GLRB: variants seen among roughly 807,000 people sequenced by gnomAD.
The protein encoded by GLRB is glycine receptor subunit beta.
Under a neutral mutation model 54.2 loss-of-function variants are expected in GLRB, and 33 were observed. That is an observed-to-expected ratio of 0.61 (90% CI 0.46 to 0.81). The LOEUF is 0.81. Among genes scored for constraint, GLRB ranks in the 40% least tolerant of loss-of-function variants. The probability of loss-of-function intolerance (pLI) is 0.00; values close to 1 mark genes in which losing one functional copy is unlikely to be tolerated. For missense variants in GLRB, 572 were observed against 584.6 expected, an observed-to-expected ratio of 0.98 and a Z score of 0.22; for synonymous variants, 209 against 208.2, an observed-to-expected ratio of 1.00 and a Z score of -0.03.
intron 2 of GLRB, among the ~76,000 whole-genome samples, chr4:157,103,157 C>CAAAAA (rs1436563927): frequency 9.6e-6 from 1 of 104,590 alleles, no homozygotes. Context: ...CTCAAAAAAA[C>CAAAAA]AAAAAAAAAA....
chr4:157,143,747 G>A, intron 7 of GLRB, 60 bp from the exon 8 acceptor site: 1 of 1,518,156 alleles, frequency 6.6e-7, no homozygotes, highest in East Asian at 2.3e-5. Context: ...GTCTGTCATT[G>A]ATGTTTGCCA....
chr4:157,120,304 A>G (rs1735762649), intron 2 of GLRB, among the ~76,000 whole-genome samples: 1 of 151,246 alleles, frequency 6.6e-6, no homozygotes, highest in Non-Finnish European at 1.5e-5. Flanking sequence ...TAATGGGTGC[A>G]GCACACCAGC....
chr4:157,124,470 C>G (rs11930442), intron 4 of GLRB, among the ~76,000 whole-genome samples: 2 of 151,570 alleles, frequency 1.3e-5, no homozygotes, highest in Admixed American at 1.3e-4. Flanking sequence ...ATTCTACTTA[C>G]TCATTTTTCC....
chr4:157,088,395 A>C (rs1028554439), intron 2 of GLRB, among the ~76,000 whole-genome samples: 2 of 152,146 alleles, frequency 1.3e-5, no homozygotes, highest in African/African-American at 4.8e-5. Context: ...TTAATGGTAC[A>C]AATGTAGATG....
intron 8 of GLRB, among the ~76,000 whole-genome samples, chr4:157,148,956 T>C (rs1268108551): frequency 6.6e-6 from 1 of 152,074 alleles, no homozygotes; most frequent in Non-Finnish European, 1.5e-5. Flanking sequence ...CTGCAGGTAT[T>C]TGGAAGGTCT....
intron 2 of GLRB, among the ~76,000 whole-genome samples, chr4:157,095,321 A>G: frequency 6.6e-6 from 1 of 151,330 alleles, no homozygotes; most frequent in Admixed American, 6.6e-5. Flanking sequence ...AAAAAAAAAA[A>G]GGTTTTTATT....
intron 9 of GLRB, among the ~76,000 whole-genome samples, chr4:157,164,555 C>T (rs914137759): frequency 2.6e-5 from 4 of 152,058 alleles, no homozygotes; most frequent in African/African-American, 9.7e-5. Flanking sequence ...ACGATCAGCT[C>T]CATTGGCTGG....
chr4:157,111,511 G>A (rs1326436663), intron 2 of GLRB, among the ~76,000 whole-genome samples: 1 of 151,938 alleles, frequency 6.6e-6, no homozygotes, highest in Non-Finnish European at 1.5e-5. Context: ...ATGCTGTGCT[G>A]GGGTTTTAGG....
At chr4:157,156,553 C>G (rs1310690745) in intron 9 of GLRB, among the ~76,000 whole-genome samples, 2 of 152,112 alleles carry the variant, frequency 1.3e-5, no homozygotes, top group East Asian at 1.9e-4. Flanking sequence ...CCTGGTTGCC[C>G]TGGCTGGGAC....
intron 2 of GLRB, among the ~76,000 whole-genome samples, chr4:157,095,374 A>G (rs1734771262): frequency 6.6e-6 from 1 of 152,064 alleles, no homozygotes; most frequent in Non-Finnish European, 1.5e-5. Context: ...GTAGATAGGA[A>G]ATGAGGGGAA....
chr4:157,158,315 T>A (rs1312693599), intron 9 of GLRB, among the ~76,000 whole-genome samples: 1 of 152,218 alleles, frequency 6.6e-6, no homozygotes, highest in Non-Finnish European at 1.5e-5. Context: ...TCTTTTGCTG[T>A]GCAGAAGCTC....
rs1560983286 is a variant in GLRB, at chr4:157,171,578, G to A, written c.*850G>A. 1 of 152,194 alleles carries A rather than the reference G, an allele frequency of 6.6e-6. No homozygotes were observed. The highest frequency in any genetic ancestry group is 1.5e-5 in the Non-Finnish European group (1 of 67,764). 9.4% of individuals were successfully genotyped at this position (152,194 alleles called of 1,614,324 possible). On this transcript the variant is annotated 3_prime_UTR_variant, in exon 10 of 10. Coordinates refer to ENST00000264428, the MANE Select transcript of GLRB (RefSeq NM_000824.5). ...AATTGGAATGCAGTAATAGATATGTGATTTTACATCATTTTTAAGAAACCA... is the reference window on the plus strand; with the variant it reads ...AATTGGAATGCAGTAATAGATATGTAATTTTACATCATTTTTAAGAAACCA...
In GLRB at chr4:157,153,017, A is replaced by T. The variant is rs746015857; in HGVS notation, c.1197+7A>T. On this transcript the variant is annotated splice_region_variant and intron_variant, in intron 9 of 9. Coordinates refer to ENST00000264428, the MANE Select transcript of GLRB (RefSeq NM_000824.5). Reference sequence around the variant, plus strand: ...TCATATTAGCACTTTGCAGGTAAGGATAAAATTATGCCATGAAATCATTTC... The same window carrying T: ...TCATATTAGCACTTTGCAGGTAAGGTTAAAATTATGCCATGAAATCATTTC... The T allele has an allele frequency of 6.2e-7, 1 of 1,608,484 alleles. No homozygotes were observed. Among genetic ancestry groups the T allele is most frequent in the Non-Finnish European group, 8.5e-7 (1 of 1,174,958 alleles).
chr4:157,166,960 AGGT>A (rs1487615329), intron 9 of GLRB, among the ~76,000 whole-genome samples: 1 of 152,150 alleles, frequency 6.6e-6, no homozygotes, highest in African/African-American at 2.4e-5. Context: ...TTTGTGGCCT[AGGT>A]TATAATATTA....
intron 9 of GLRB, among the ~76,000 whole-genome samples, chr4:157,153,999 T>C (rs2126605139): frequency 6.6e-6 from 1 of 152,284 alleles, no homozygotes; most frequent in African/African-American, 2.4e-5. Flanking sequence ...CTGTGGCCTT[T>C]AAAAAATGGT....
At chr4:157,146,984 C>A (rs916875970) in intron 8 of GLRB, among the ~76,000 whole-genome samples, 15 of 151,952 alleles carry the variant, frequency 9.9e-5, no homozygotes, top group African/African-American at 3.6e-4. Context: ...TGACCTTAGC[C>A]GAGATGGGCA....
At chr4:157,107,529 A>C (rs1293325522) in intron 2 of GLRB, among the ~76,000 whole-genome samples, 1 of 152,112 alleles carries the variant, frequency 6.6e-6, no homozygotes, top group Non-Finnish European at 1.5e-5. Flanking sequence ...GACCTATGAC[A>C]TTCCCTTAAG....
intron 2 of GLRB, 66 bp downstream of exon 2, chr4:157,078,212 T>C: frequency 6.2e-7 from 1 of 1,601,272 alleles, no homozygotes. Context: ...AAAAGTAAGG[T>C]GGTTTATGAA....
At chr4:157,103,165 A>C (rs904566034) in intron 2 of GLRB, among the ~76,000 whole-genome samples, 29 of 152,034 alleles carry the variant, frequency 1.9e-4, no homozygotes, top group South Asian at 4.2e-4. Flanking sequence ...AACAAAAAAA[A>C]AAAAAAAAGA....
Sources: gnomAD v4.1 joint callset for allele counts (sites outside exome capture counted in the v4.1 genomes callset) on GRCh38, gnomAD v4.1.1 for gene constraint, MANE v1.5 for transcripts, NCBI Gene and HGNC (gene_info 2026-07-23, HGNC 2026-07-21) for gene names.